P2RX6: variants seen among roughly 807,000 people sequenced by gnomAD.
The protein encoded by P2RX6 is purinergic receptor P2X 6, also known as P2X purinoceptor 6.
A neutral mutation model predicts 54.2 loss-of-function variants in P2RX6; 62 were observed. The observed-to-expected ratio is 1.14, with a 90% CI of 0.93 to 1.41. The LOEUF is 1.41. Among genes scored for constraint, P2RX6 ranks in the 40% most tolerant of loss-of-function variants. P2RX6 has a pLI of 0.00. For synonymous variants in P2RX6, 211 were observed against 231.9 expected, an observed-to-expected ratio of 0.91 and a Z score of 0.82; for missense variants, 541 against 566.3, an observed-to-expected ratio of 0.96 and a Z score of 0.45.
In P2RX6 at chr22:21,026,008, C is replaced by G. The variant is rs778096204; in HGVS notation, c.985-3C>G. On this transcript the variant is annotated splice_polypyrimidine_tract_variant and splice_region_variant and intron_variant, in intron 9 of 11. Coordinates refer to ENST00000413302, the MANE Select transcript of P2RX6 (RefSeq NM_005446.5). This position sits in a 1 kb window ranked among gnomAD's most constrained non-coding sequence, Gnocchi z 4.0. The stretch of plus-strand genomic sequence containing the variant: ...TGAGAGGTTCAGCTCAGATCTCTCT[C>G]AGGCAGGGAAGTTCGGGCTCATCCC... The G allele has an allele frequency of 6.2e-7, 1 of 1,610,042 alleles. No homozygotes were observed. Among genetic ancestry groups the G allele is most frequent in the Non-Finnish European group, 8.5e-7 (1 of 1,178,340 alleles).
intron 4 of P2RX6, 45 bp downstream of exon 4, chr22:21,022,796 C>T: frequency 1.3e-6 from 2 of 1,515,242 alleles, no homozygotes; most frequent in Non-Finnish European, 1.8e-6. Flanking sequence ...AGGGTGGGGG[C>T]CGGGCTGGGA....
rs555416952 is a variant in P2RX6, at chr22:21,025,831, C to T, written c.917C>T (p.Pro306Leu). 3.1e-5 allele frequency: 49 copies of T among 1,564,140 alleles called. No homozygotes were observed. The highest frequency in any genetic ancestry group is 4.8e-5 in the East Asian group (2 of 41,804). The part of the protein sequence containing the change: ...FRTATHWWEQ[P>L]GVEARTLLKL... ...ACAGCCACTCACTGGTGGGAGCAAC[C>T]GGGTGTGGAGGCCCGCACCCTGCTC... The change falls in exon 9 of 12, where the codon CCG becomes CTG. Residue 306 changes from proline to leucine, a missense_variant. This residue lies in a region of P2RX6 where 526 missense variants were observed against 531.5 expected (regional missense o/e 0.99). Coordinates refer to ENST00000413302, the MANE Select transcript of P2RX6 (RefSeq NM_005446.5).
In P2RX6 at chr22:21,026,351, T is replaced by A; in HGVS notation, c.1128+22T>A. The A allele has an allele frequency of 6.3e-7, 1 of 1,594,268 alleles. No homozygotes were observed. The highest frequency in any genetic ancestry group is 2.3e-5 in the East Asian group (1 of 44,228). ...GGAGGTGAGCTGAGGTCGCTCTGCTTGGACCCTGGGTTCTGCCACACTTAG... is the reference window on the plus strand; with the variant it reads ...GGAGGTGAGCTGAGGTCGCTCTGCTAGGACCCTGGGTTCTGCCACACTTAG... On this transcript the variant is annotated intron_variant, in intron 11 of 11. Transcript: ENST00000413302. This position sits in a 1 kb window ranked among gnomAD's most constrained non-coding sequence, Gnocchi z 4.0.
At chr22:21,010,735 C>A (rs546172096), upstream of P2RX6, among the ~76,000 whole-genome samples, 75 of 152,190 alleles carry the variant, frequency 4.9e-4, no homozygotes, top group African/African-American at 1.7e-3. Context: ...CAAGGAATCC[C>A]AACCATGTCT....
chr22:21,020,251 G>A (rs1227126802), intron 3 of P2RX6, among the ~76,000 whole-genome samples: 2 of 152,130 alleles, frequency 1.3e-5, no homozygotes, highest in South Asian at 2.1e-4. Context: ...CCACACTTCT[G>A]GCTCTTCCCA....
Position 21,026,019 on chromosome 22 carries a change from G to T in P2RX6, c.993G>T (p.Lys331Asn). Reference protein sequence around the residue: ...FDILVTGQAGKFGLIPTAVTL... With the variant: ...FDILVTGQAGNFGLIPTAVTL... ...GCTCAGATCTCTCTCAGGCAGGGAA[G>T]TTCGGGCTCATCCCCACGGCCGTCA... The change falls in exon 10 of 12, where the codon AAG (lysine) becomes AAT (asparagine). Residue 331 changes from lysine to asparagine, a missense_variant. Physicochemically the swap from Lys to Asn is moderately conservative, Grantham distance 94. This residue lies in a region of P2RX6 where 526 missense variants were observed against 531.5 expected (regional missense o/e 0.99). Transcript: ENST00000413302. This position sits in a 1 kb window ranked among gnomAD's most constrained non-coding sequence, Gnocchi z 4.0. 6.2e-7 allele frequency: 1 copy of T among 1,611,358 alleles called. No homozygotes were observed.
rs927808785 is a variant in P2RX6, at chr22:21,026,172, G to A, written c.1051-80G>A. On this transcript the variant is annotated intron_variant, in intron 10 of 11. Coordinates refer to ENST00000413302, the MANE Select transcript of P2RX6 (RefSeq NM_005446.5). This position sits in a 1 kb window ranked among gnomAD's most constrained non-coding sequence, Gnocchi z 4.0. ...CTGGAGCCTCCGGTGCCTGCACATT[G>A]AGTCTCGGGGTGCAGGCTGGGGAGG... is the stretch of plus-strand genomic sequence containing the variant. The A allele has an allele frequency of 1.6e-5, 24 of 1,533,296 alleles. No individual in the cohort carries two copies. The highest frequency in any genetic ancestry group is 2.0e-5 in the Non-Finnish European group (23 of 1,128,096). The allele number at this position is 1,533,296 out of a possible 1,614,324, so 95.0% of individuals were successfully genotyped here.
At chr22:21,022,099 G>T (rs1248832508) in intron 3 of P2RX6, among the ~76,000 whole-genome samples, 1 of 152,202 alleles carries the variant, frequency 6.6e-6, no homozygotes, top group Non-Finnish European at 1.5e-5. Flanking sequence ...AGGGTGCGTT[G>T]TCTCACGCCT....
chr22:21,018,414 T>C (rs1283282066), intron 3 of P2RX6: 3 of 348,736 alleles, frequency 8.6e-6, no homozygotes, highest in Non-Finnish European at 1.1e-5. Context: ...CTGGGTACTC[T>C]CCAGGTTGGT....
rs576978058 is a variant in P2RX6, at chr22:21,025,561, G to A, written c.891-244G>A. Among the ~76,000 whole-genome samples the A allele has an allele frequency of 8.5e-5, 13 of 152,268 alleles. No individual in the cohort carries two copies. In the East Asian group the frequency reaches 2.1e-3, roughly 25 times the overall value. On this transcript the variant is annotated intron_variant, in intron 8 of 11. Coordinates refer to ENST00000413302, the MANE Select transcript of P2RX6 (RefSeq NM_005446.5). ...CTGAGCCTGCCCCTTCACATCCCCC[G>A]CTGCTGGGTCTGTTTAGGGACTCCT...
upstream of P2RX6, chr22:21,014,179 CT>C: frequency 6.4e-6 from 1 of 155,960 alleles, no homozygotes; most frequent in Non-Finnish European, 1.4e-5. Context: ...CTTCCTCCTG[CT>C]TTTTATCCTC....
rs770598813 is a variant in P2RX6 at position 21,026,364 on chromosome 22, C to T, written c.1128+35C>T. ...GGTCGCTCTGCTTGGACCCTGGGTT[C>T]TGCCACACTTAGGAAGATGTTGGCT... On this transcript the variant is annotated intron_variant, in intron 11 of 11. Coordinates refer to ENST00000413302, the MANE Select transcript of P2RX6 (RefSeq NM_005446.5). This position sits in a 1 kb window ranked among gnomAD's most constrained non-coding sequence, Gnocchi z 4.0. The T allele has an allele frequency of 1.9e-6, 3 of 1,589,260 alleles. No homozygotes were observed. Among genetic ancestry groups the T allele is most frequent in the Non-Finnish European group, 2.6e-6 (3 of 1,167,750 alleles).
upstream of P2RX6, chr22:21,013,161 C>G (rs776815277): frequency 6.1e-6 from 1 of 164,474 alleles, no homozygotes; most frequent in Non-Finnish European, 1.4e-5. Flanking sequence ...GTGTCCCCGA[C>G]CAGTTCTCCA....
chr22:21,023,399 G>A lies in P2RX6; in HGVS notation c.763G>A (p.Glu255Lys), dbSNP rs748172359. The change falls in exon 7 of 12, where the codon GAG (glutamate) becomes AAG (lysine). Residue 255 changes from glutamate (E) to lysine (K), a missense_variant. Transcript: ENST00000413302. The part of the protein sequence containing the change: ...DLVAKAGGTF[E>K]DLALLGGSVG... ...CGTGGCCAAGGCTGGAGGGACCTTC[G>A]AGGACCTGGCGTTGCTGGTGGGTCC... is the stretch of plus-strand genomic sequence containing the variant. 1.5e-5 allele frequency: 25 copies of A among 1,613,906 alleles called. No individual in the cohort carries two copies. The highest frequency in any genetic ancestry group is 4.5e-5 in the East Asian group (2 of 44,890).
At chr22:21,024,683 G>A (rs1928079773) in intron 8 of P2RX6, among the ~76,000 whole-genome samples, 1 of 152,142 alleles carries the variant, frequency 6.6e-6, no homozygotes, top group African/African-American at 2.4e-5. Context: ...TGATTTTCCA[G>A]CCTCTGCCTC....
At chr22:21,012,574 C>A, upstream of P2RX6, 1 of 620,478 alleles carries the variant, frequency 1.6e-6, no homozygotes, top group South Asian at 1.6e-5. Context: ...GGCCTCTGTA[C>A]CTGCCCCATA....
At chr22:21,014,502 C>A (rs192889399), upstream of P2RX6, among the ~76,000 whole-genome samples, 1 of 152,196 alleles carries the variant, frequency 6.6e-6, no homozygotes, top group African/African-American at 2.4e-5. Context: ...CTGGGCTGGG[C>A]GCCTTGTGGG....
In P2RX6 at chr22:21,026,620, G is replaced by C; in HGVS notation, c.*3G>C. ...CAACCCATTCCGGGAGCCTGTAGCC[G>C]TTCCCTGCTGGTTGAGAGTTGGGGG... On this transcript the variant is annotated 3_prime_UTR_variant, in exon 12 of 12. Transcript: ENST00000413302. This position sits in a 1 kb window ranked among gnomAD's most constrained non-coding sequence, Gnocchi z 4.0. The C allele has an allele frequency of 1.3e-6, 2 of 1,574,296 alleles. No homozygotes were observed. Among genetic ancestry groups the C allele is most frequent in the Admixed American group, 1.8e-5 (1 of 54,320 alleles).
chr22:21,023,188 A>T lies in P2RX6; in HGVS notation c.628A>T (p.Asn210Tyr). 1 of 1,613,912 alleles carries T rather than the reference A, an allele frequency of 6.2e-7. No individual in the cohort carries two copies. The highest frequency in any genetic ancestry group is 8.5e-7 in the Non-Finnish European group (1 of 1,179,862). Residue 210 changes from asparagine (N) to tyrosine (Y), a missense_variant, in exon 6 of 12, where the codon AAC becomes TAC. Physicochemically the swap from Asn to Tyr is moderately radical, Grantham distance 143. Coordinates refer to ENST00000413302, the MANE Select transcript of P2RX6 (RefSeq NM_005446.5). ...AAACACAGTCACCTTCAGCAAGTTC[A>T]ACTTCTCTAAGTAAGCAGAGTGGGT... ...IKNTVTFSKF[N>Y]FSKSNALETW...
Sources: allele counts gnomAD v4.1 joint callset (sites outside exome capture counted in the v4.1 genomes callset), GRCh38; gene constraint gnomAD v4.1.1; regional missense constraint gnomAD v4.1.1; non-coding constraint Gnocchi (gnomAD v3.1); transcripts MANE v1.5; gene names NCBI Gene and HGNC (gene_info 2026-07-23, HGNC 2026-07-21).